CFAP251: variants seen among roughly 807,000 people sequenced by gnomAD.
The protein encoded by CFAP251 is cilia- and flagella-associated protein 251.
CFAP251 carries 93 observed loss-of-function variants against 126.7 expected under a neutral mutation model. That is an observed-to-expected ratio of 0.73 (90% CI 0.62 to 0.87). The LOEUF is 0.87. Among genes scored for constraint, CFAP251 ranks in the 40% least tolerant of loss-of-function variants. The pLI, the probability that CFAP251 is intolerant of heterozygous loss-of-function variation, is 0.00. For synonymous variants in CFAP251, 503 were observed against 506.9 expected (o/e 0.99, Z 0.10); for missense variants, 1,287 against 1,389.2 (o/e 0.93, Z 1.17).
intron 17 of CFAP251, chr12:121,972,079 C>A: frequency 4.8e-6 from 1 of 207,082 alleles, no homozygotes; most frequent in Non-Finnish European, 9.8e-6. Context: ...ATTGTGCAGT[C>A]TCAGTTATGT....
At position 121,989,363 on chromosome 12, in the gene CFAP251, T is replaced by C. The variant is rs1270429405; in HGVS notation, c.3007-10353T>C. Among the ~76,000 whole-genome samples, 1 of 152,220 alleles carries C rather than the reference T, an allele frequency of 6.6e-6. No homozygotes were observed. The highest frequency in any genetic ancestry group is 1.5e-5 in the Non-Finnish European group (1 of 68,036). ...GAGCACCAGGCCAGGCCTTGGCTGCTGTCACCTGAGACTGCGTCCAGAGGG... is the reference window on the plus strand; with the variant it reads ...GAGCACCAGGCCAGGCCTTGGCTGCCGTCACCTGAGACTGCGTCCAGAGGG... On this transcript the variant is annotated intron_variant, in intron 19 of 21. Coordinates refer to ENST00000288912, the MANE Select transcript of CFAP251 (RefSeq NM_144668.6). This position sits in a 1 kb window ranked among gnomAD's most constrained non-coding sequence, Gnocchi z 4.2.
intron 20 of CFAP251, among the ~76,000 whole-genome samples, chr12:122,001,055 CTTTT>C (rs1177422104): frequency 2.6e-5 from 3 of 117,406 alleles, no homozygotes; most frequent in Non-Finnish European, 3.5e-5. Context: ...GTTTTTGTTG[CTTTT>C]TTTTTTTTTT....
intron 10 of CFAP251, among the ~76,000 whole-genome samples, chr12:121,954,952 A>G (rs1298834541): frequency 4.6e-5 from 7 of 152,234 alleles, no homozygotes; most frequent in Admixed American, 1.3e-4. Flanking sequence ...AACATTTTAC[A>G]TGCATTAAAT....
intron 19 of CFAP251, among the ~76,000 whole-genome samples, chr12:121,994,830 C>T (rs1270889449): frequency 3.8e-5 from 5 of 130,466 alleles, no homozygotes; most frequent in African/African-American, 1.2e-4. Flanking sequence ...CGGAAGGCCG[C>T]AGGGTCCTCT....
At chr12:121,971,713 C>G (rs573655507) in intron 17 of CFAP251, 84 of 681,112 alleles carry the variant, frequency 1.2e-4, no homozygotes, top group Middle Eastern at 1.2e-3. Context: ...AACAAACATT[C>G]ATTACAGGAG....
chr12:121,928,994 G>A (rs1223602933), intron 3 of CFAP251, among the ~76,000 whole-genome samples: 1 of 151,966 alleles, frequency 6.6e-6, no homozygotes, highest in East Asian at 1.9e-4. Context: ...ACTGCACCCT[G>A]CCTGGATTTT....
rs147638394 is a variant in CFAP251 at position 121,922,341 on chromosome 12, C to T, written c.378+658C>T. On this transcript the variant is annotated intron_variant, in intron 2 of 21. Transcript: ENST00000288912. Reference sequence around the variant, plus strand: ...GCCAGGCTGGTCTCAAACTCTTGACCTCAGGTGATCCACCAGCTTTGGCCT... The same window carrying T: ...GCCAGGCTGGTCTCAAACTCTTGACTTCAGGTGATCCACCAGCTTTGGCCT... Among the ~76,000 whole-genome samples, 752 of 152,150 alleles carry T rather than the reference C, an allele frequency of 4.9e-3. 10 individuals are homozygous for T. Among genetic ancestry groups the T allele is most frequent in the African/African-American group, 0.017 (717 of 41,504 alleles).
At chr12:121,951,631 T>C (rs1011872044) in intron 9 of CFAP251, 101 bp downstream of exon 9, 1 of 824,788 alleles carries the variant, frequency 1.2e-6, no homozygotes, top group East Asian at 2.7e-5. Context: ...CATCTTGATA[T>C]TAAGCTACTG....
chr12:121,959,126 G>A, intron 13 of CFAP251, 32 bp downstream of exon 13: 1 of 1,545,744 alleles, frequency 6.5e-7, no homozygotes, highest in East Asian at 2.3e-5. Context: ...CCATCCAGTG[G>A]CTTAGCAATT....
intron 10 of CFAP251, 36 bp downstream of exon 10, chr12:121,954,370 A>C (rs1345891680): frequency 3.3e-6 from 5 of 1,534,858 alleles, no homozygotes; most frequent in Non-Finnish European, 4.4e-6. Context: ...ACTATGGATA[A>C]TTATAAAAAT....
Position 121,960,773 on chromosome 12 carries a change from T to G in CFAP251, c.2307+15T>G. On this transcript the variant is annotated intron_variant, in intron 14 of 21. Transcript: ENST00000288912. Reference sequence around the variant, plus strand: ...ACAGGCTCTTGGTGAGCTGTTTAGTTTTCGTTGACCTGGTCGCCAAGACTG... The same window carrying G: ...ACAGGCTCTTGGTGAGCTGTTTAGTGTTCGTTGACCTGGTCGCCAAGACTG... The G allele has an allele frequency of 6.2e-7, 1 of 1,611,848 alleles. No individual in the cohort carries two copies.
In CFAP251 at chr12:121,990,847, G is replaced by A. The variant is rs187084361; in HGVS notation, c.3007-8869G>A. Among the ~76,000 whole-genome samples, 15 of 152,346 alleles carry A rather than the reference G, an allele frequency of 9.8e-5. No individual in the cohort carries two copies. In the East Asian group the frequency reaches 2.9e-3, roughly 29 times the overall value. The stretch of plus-strand genomic sequence containing the variant: ...GGCAGCCAGGGCTGAGGACCTTGGC[G>A]ATGGAGCCTGTTAGTTCGCTTTCCT... On this transcript the variant is annotated intron_variant, in intron 19 of 21. Transcript: ENST00000288912.
In CFAP251 at chr12:121,975,623, A is replaced by G. The variant is rs1565919293; in HGVS notation, c.2944A>G (p.Ile982Val). The G allele has an allele frequency of 1.2e-6, 2 of 1,602,342 alleles. No homozygotes were observed. The highest frequency in any genetic ancestry group is 1.7e-6 in the Non-Finnish European group (2 of 1,176,882). The change falls in exon 19 of 22, where the codon ATT becomes GTT. Residue 982 changes from isoleucine (I) to valine (V), a missense_variant. Physicochemically the swap from Ile to Val is conservative, Grantham distance 29. Transcript: ENST00000288912. ...TMETRKVSEH[I>V]CLSELPFVMR... ...GGAGACCAGAAAGGTGTCAGAACAC[A>G]TTTGCCTGTCAGAGCTTCCTTTTGT...
rs1035582775 is a variant in CFAP251 at position 121,951,596 on chromosome 12, T to G, written c.1320+66T>G. On this transcript the variant is annotated intron_variant, in intron 9 of 21. Coordinates refer to ENST00000288912, the MANE Select transcript of CFAP251 (RefSeq NM_144668.6). ...GAGAATAAATATTTATGTGCAAGCT[T>G]AGCTGCTTCGGGCTACTCTTTGTAC... is the stretch of plus-strand genomic sequence containing the variant. 2.4e-6 allele frequency: 3 copies of G among 1,248,086 alleles called. No homozygotes were observed. The African/African-American group carries it at 4.4e-5, about 18-fold the overall frequency. The allele number at this position is 1,248,086 out of a possible 1,614,324, so 77.3% of individuals were successfully genotyped here. A position where few individuals can be genotyped will look rare whatever the true frequency, so the allele number is the denominator to read the frequency against.
chr12:121,954,659 A>C (rs1228788725), intron 10 of CFAP251, among the ~76,000 whole-genome samples: 2 of 145,858 alleles, frequency 1.4e-5, no homozygotes, highest in African/African-American at 2.5e-5. Flanking sequence ...AAAAAAAAAA[A>C]AAAAAAAAAC....
chr12:121,961,422 A>G (rs545984684), intron 14 of CFAP251, among the ~76,000 whole-genome samples: 27 of 149,852 alleles, frequency 1.8e-4, no homozygotes, highest in African/African-American at 6.6e-4. Flanking sequence ...CCATCCATCC[A>G]TCCATTCTGC....
chr12:121,955,805 C>G (rs966447959), intron 10 of CFAP251: 9 of 152,174 alleles, frequency 5.9e-5, no homozygotes, highest in African/African-American at 2.2e-4. Flanking sequence ...TGCAATCAAC[C>G]TTTAATCGGT....
At chr12:121,927,498 T>C (rs929011641) in intron 3 of CFAP251, among the ~76,000 whole-genome samples, 1 of 152,184 alleles carries the variant, frequency 6.6e-6, no homozygotes, top group African/African-American at 2.4e-5. Flanking sequence ...GGTTTCGCCA[T>C]GTAGGCCAGG....
At chr12:121,996,443 CAG>C (rs1482387618) in intron 19 of CFAP251, among the ~76,000 whole-genome samples, 7 of 152,188 alleles carry the variant, frequency 4.6e-5, no homozygotes, top group African/African-American at 1.7e-4. Flanking sequence ...AAATACTGCA[CAG>C]AGAGAGGCTG....
Sources: allele counts gnomAD v4.1 joint callset (sites outside exome capture counted in the v4.1 genomes callset), GRCh38; gene constraint gnomAD v4.1.1; non-coding constraint Gnocchi (gnomAD v3.1); transcripts MANE v1.5; gene names NCBI Gene and HGNC (gene_info 2026-07-23, HGNC 2026-07-21).